Variants in SCN1A observed in about 807,000 individuals in gnomAD.
SCN1A encodes sodium voltage-gated channel alpha subunit 1, also known as sodium channel protein type 1 subunit alpha.
Under a neutral mutation model 193.7 loss-of-function variants are expected in SCN1A, and 13 were observed. The ratio of observed to expected loss-of-function variants is 0.07; its 90% CI spans 0.04 to 0.11. The LOEUF (loss-of-function observed/expected upper bound fraction) is 0.11, where lower values mean the gene tolerates loss of function less well. SCN1A is among the 10% of genes least tolerant of loss of function. The pLI is 1.00. For synonymous variants in SCN1A, 781 were observed against 843.6 expected (o/e 0.93, Z 1.29); for missense variants, 1,432 against 2,451.1 (o/e 0.58, Z 8.78).
intron 1 of SCN1A, among the ~76,000 whole-genome samples, chr2:166,134,154 T>C (rs1558911359): frequency 6.6e-6 from 1 of 152,112 alleles, no homozygotes; most frequent in East Asian, 1.9e-4. Flanking sequence ...TGCTAATCAT[T>C]GAGAAATTGT....
intron 1 of SCN1A, 128 bp downstream of exon 1, chr2:166,127,643 T>C (rs1288816351): frequency 6.6e-6 from 1 of 152,204 alleles, no homozygotes. Flanking sequence ...GGGGGACAGT[T>C]GGTCTGAATA....
At chr2:166,127,175 A>G (rs184100029) in intron 1 of SCN1A, 165 bp from the exon 2 acceptor site, 3 of 152,278 alleles carry the variant, frequency 2.0e-5, no homozygotes, top group East Asian at 1.9e-4. Flanking sequence ...GTGTGGCTCA[A>G]TAGGAGTTGG....
At chr2:166,111,490 C>A (rs1689291764) in intron 2 of SCN1A, among the ~76,000 whole-genome samples, 1 of 151,872 alleles carries the variant, frequency 6.6e-6, no homozygotes, top group Non-Finnish European at 1.5e-5. Context: ...GACAATGTTG[C>A]AAAGAGCTCT....
intron 19 of SCN1A, among the ~76,000 whole-genome samples, chr2:166,030,934 C>T (rs981200374): frequency 6.6e-6 from 1 of 151,866 alleles, no homozygotes; most frequent in Non-Finnish European, 1.5e-5. Context: ...GCAGTTTTGC[C>T]CAGCCTTCAA....
At chr2:166,084,044 C>T (rs755113731) in intron 2 of SCN1A, among the ~76,000 whole-genome samples, 3 of 151,960 alleles carry the variant, frequency 2.0e-5, no homozygotes, top group Admixed American at 6.6e-5. Flanking sequence ...CAGTGTGGGC[C>T]TCCCAGGGCT....
chr2:166,065,599 A>T (rs928860312), intron 4 of SCN1A, among the ~76,000 whole-genome samples: 3 of 152,100 alleles, frequency 2.0e-5, no homozygotes, highest in Non-Finnish European at 4.4e-5. Flanking sequence ...GCCATATTTA[A>T]TATTTTTTCA....
chr2:166,072,837 C>CTTTTTTTTTT (rs796420549), intron 4 of SCN1A, among the ~76,000 whole-genome samples: 3 of 119,462 alleles, frequency 2.5e-5, no homozygotes, highest in African/African-American at 6.2e-5. Context: ...TCTCTTCTTT[C>CTTTTTTTTTT]TTTTTTTTTT....
intron 10 of SCN1A, among the ~76,000 whole-genome samples, chr2:166,048,666 G>A (rs993521691): frequency 6.6e-6 from 1 of 151,954 alleles, no homozygotes; most frequent in African/African-American, 2.4e-5. Flanking sequence ...ATGAACATAC[G>A]TGTGCATGTG....
chr2:166,090,161 T>C (rs1468166417), intron 2 of SCN1A, among the ~76,000 whole-genome samples: 1 of 149,020 alleles, frequency 6.7e-6, no homozygotes, highest in Admixed American at 6.8e-5. Flanking sequence ...CACCTCAGGC[T>C]CCTGAGTAGC....
intron 19 of SCN1A, among the ~76,000 whole-genome samples, chr2:166,023,520 A>G (rs953092875): frequency 1.3e-5 from 2 of 152,196 alleles, no homozygotes; most frequent in African/African-American, 4.8e-5. Flanking sequence ...ATGACTTTGT[A>G]GTGTTTGAGA....
Position 165,994,186 on chromosome 2 carries a change from C to G in SCN1A, c.4812G>C (p.Trp1604Cys). 1 of 1,612,100 alleles carries G rather than the reference C, an allele frequency of 6.2e-7. No homozygotes were observed. Among genetic ancestry groups the G allele is most frequent in the Non-Finnish European group, 8.5e-7 (1 of 1,178,878 alleles). Residue 1604 changes from tryptophan (W) to cysteine (C), a missense_variant, in exon 28 of 29, where the codon TGG becomes TGC. This residue lies in a region of SCN1A where 85 missense variants were observed against 213.2 expected (regional missense o/e 0.40). Transcript: ENST00000674923. ...SLRHYYFTIG[W>C]NIFDFVVVIL... is the part of the protein sequence containing the mutation. ...TGACAACCACAAAATCAAAAATATT[C>G]CATCCAATGGTAAAATAATAATGGC... is the stretch of plus-strand genomic sequence containing the variant.
intron 10 of SCN1A, among the ~76,000 whole-genome samples, chr2:166,048,351 T>G (rs1216937173): frequency 6.6e-6 from 1 of 152,086 alleles, no homozygotes; most frequent in Non-Finnish European, 1.5e-5. Context: ...CTCTCCCTCT[T>G]CCCACCTTGC....
chr2:166,067,486 A>G (rs894026708), intron 4 of SCN1A, among the ~76,000 whole-genome samples: 14 of 145,948 alleles, frequency 9.6e-5, no homozygotes, highest in Non-Finnish European at 1.9e-4. Context: ...TTTTTTTTCC[A>G]CTGCTGTGAT....
At position 166,043,727 on chromosome 2, in the gene SCN1A, G is replaced by C; in HGVS notation, c.1985C>G (p.Ser662Trp). ...CTCTGGCAGAAGCTGTCCAACAGGC[G>C]ATGTAGGAACTGAAGGTCCACCAAC... ...SLVGGPSVPT[S>W]PVGQLLPEVI... The change falls in exon 14 of 29, where the codon TCG (serine) becomes TGG (tryptophan). Residue 662 changes from serine to tryptophan, a missense_variant. Coordinates refer to ENST00000674923, the MANE Select transcript of SCN1A (RefSeq NM_001165963.4). 6.2e-7 allele frequency: 1 copy of C among 1,614,084 alleles called. No individual in the cohort carries two copies. The highest frequency in any genetic ancestry group is 8.5e-7 in the Non-Finnish European group (1 of 1,179,994).
At chr2:166,014,456 C>A (rs1302498276) in intron 20 of SCN1A, among the ~76,000 whole-genome samples, 1 of 151,338 alleles carries the variant, frequency 6.6e-6, no homozygotes, top group Non-Finnish European at 1.5e-5. Context: ...TCACACATTG[C>A]TTTCACTTAG....
intron 23 of SCN1A, 185 bp downstream of exon 23, chr2:166,009,534 T>G (rs1009601523): frequency 8.9e-6 from 4 of 450,786 alleles, no homozygotes; most frequent in Non-Finnish European, 1.2e-5. Flanking sequence ...TATTATATCA[T>G]TTCAAGAGAG....
rs1195298724 is a variant in SCN1A, at chr2:166,046,845, C to G, written c.1302G>C (p.Leu434Phe). ...MAYEEQNQAT[L>F]EEAEQKEAEF... ...CGGCCTCTTTCTGTTCTGCTTCTTC[C>G]AAGGTGGCCTGATTCTGTTCCTCGT... Residue 434 changes from leucine to phenylalanine, a missense_variant, in exon 12 of 29, where the codon TTG (leucine) becomes TTC (phenylalanine). Physicochemically the swap from Leu to Phe is conservative, Grantham distance 22. Around this residue, in one of 18 missense-constraint regions of SCN1A, gnomAD observed 58 missense variants for 103.4 expected, o/e 0.56. Transcript: ENST00000674923. The G allele has an allele frequency of 6.2e-7, 1 of 1,613,952 alleles. No homozygotes were observed. Among genetic ancestry groups the G allele is most frequent in the Non-Finnish European group, 8.5e-7 (1 of 1,179,886 alleles).
In SCN1A at chr2:166,148,122, A is replaced by G. The variant is rs180999938; in HGVS notation, c.-50+925T>C. On this transcript the variant is annotated intron_variant, in intron 1 of 26. Transcript: ENST00000635750. ...GTACTGAACTTCACTTGCCAAGGACACACAGGAAGATAAACCCTCTCAAAT... is the reference window on the plus strand; with the variant it reads ...GTACTGAACTTCACTTGCCAAGGACGCACAGGAAGATAAACCCTCTCAAAT... Among the ~76,000 whole-genome samples, 91 of 152,358 alleles carry G rather than the reference A, an allele frequency of 6.0e-4. 1 individual carries two copies. The highest frequency in any genetic ancestry group is 9.6e-4 in the Non-Finnish European group (65 of 68,034).
intron 19 of SCN1A, among the ~76,000 whole-genome samples, chr2:166,033,747 C>T (rs1031642766): frequency 6.6e-5 from 10 of 151,396 alleles, no homozygotes; most frequent in African/African-American, 2.5e-4. Context: ...TAGCCTTGAT[C>T]AATATAAAAA....
Sources: gnomAD v4.1 joint callset for allele counts (sites outside exome capture counted in the v4.1 genomes callset) on GRCh38, gnomAD v4.1.1 for gene constraint, gnomAD v4.1.1 regional missense constraint, MANE v1.5 for transcripts, NCBI Gene and HGNC (gene_info 2026-07-23, HGNC 2026-07-21) for gene names.